PPFIA2: variants seen among roughly 807,000 people sequenced by gnomAD.
PPFIA2 encodes PPFI scaffold protein A2, also known as liprin-alpha-2.
Under a neutral mutation model 175.5 loss-of-function variants are expected in PPFIA2, and 46 were observed. The ratio of observed to expected loss-of-function variants is 0.26; its 90% confidence interval spans 0.21 to 0.34. The LOEUF is 0.34. Among genes scored for constraint, PPFIA2 ranks in the 10% least tolerant of loss-of-function variants. The pLI is 1.00. For missense variants in PPFIA2, 1,179 were observed against 1,506.1 expected (o/e 0.78, Z 3.60); for synonymous variants, 568 against 511.4 (o/e 1.11, Z -1.49).
chr12:81,421,507 C>G (rs1384048044), intron 7 of PPFIA2, among the ~76,000 whole-genome samples: 1 of 151,428 alleles, frequency 6.6e-6, no homozygotes, highest in Non-Finnish European at 1.5e-5. Flanking sequence ...AAGCTTTGAG[C>G]TAACCACAAA....
At chr12:81,743,411 CAAAAAAAAAAAAAAAAAAAAAAA>C (rs772497730) in intron 3 of PPFIA2, among the ~76,000 whole-genome samples, 1 of 24,852 alleles carries the variant, frequency 4.0e-5, no homozygotes, top group South Asian at 2.9e-3. Flanking sequence ...GACTCCGTCT[CAAAAAAAAAAAAAAAAAAAAAAA>C]AAAAAAAAAA....
chr12:81,471,794 C>A (rs1230087977), intron 4 of PPFIA2, among the ~76,000 whole-genome samples: 3 of 152,120 alleles, frequency 2.0e-5, no homozygotes, highest in Non-Finnish European at 4.4e-5. Flanking sequence ...TTCTCCACAA[C>A]CTTGCCAGCA....
At chr12:81,490,807 A>G (rs17008616) in intron 4 of PPFIA2, among the ~76,000 whole-genome samples, 16,240 of 151,904 alleles carry the variant, frequency 0.11, 1,088 homozygotes, top group Middle Eastern at 0.14. Context: ...ATTTGCTTAT[A>G]CTGGTCCCCA....
At chr12:81,315,931 A>G (rs11114823) in intron 22 of PPFIA2, among the ~76,000 whole-genome samples, 54,350 of 151,396 alleles carry the variant, frequency 0.36, 10,646 homozygotes, top group East Asian at 0.54. Flanking sequence ...AATAACTAAA[A>G]TATTTGAGAC....
intron 4 of PPFIA2, among the ~76,000 whole-genome samples, chr12:81,553,358 G>A (rs1299596327): frequency 6.6e-6 from 1 of 151,954 alleles, no homozygotes; most frequent in Non-Finnish European, 1.5e-5. Flanking sequence ...TTTCAAAGAT[G>A]GATACCAGAA....
chr12:81,398,644 A>T (rs117104976), intron 8 of PPFIA2, among the ~76,000 whole-genome samples: 2,693 of 152,180 alleles, frequency 0.018, 51 homozygotes, highest in Non-Finnish European at 0.025. Flanking sequence ...TACTTATCTC[A>T]TTCTTAAAGA....
chr12:81,636,644 A>T (rs987941178), intron 4 of PPFIA2, among the ~76,000 whole-genome samples: 13 of 151,076 alleles, frequency 8.6e-5, no homozygotes, highest in African/African-American at 3.2e-4. Flanking sequence ...TTAGAATGAA[A>T]TTTTGGTTTG....
chr12:81,590,916 G>A (rs1251497259), intron 4 of PPFIA2, among the ~76,000 whole-genome samples: 1 of 152,162 alleles, frequency 6.6e-6, no homozygotes, highest in Non-Finnish European at 1.5e-5. Flanking sequence ...GGGTATTGCT[G>A]AAAAGATAAT....
intron 4 of PPFIA2, among the ~76,000 whole-genome samples, chr12:81,588,310 A>G (rs1047515033): frequency 5.9e-5 from 9 of 152,014 alleles, no homozygotes; most frequent in Non-Finnish European, 1.3e-4. Flanking sequence ...AAGGAAAACA[A>G]CTTCCAAAAT....
chr12:81,380,961 G>GCT (rs1248902763), intron 9 of PPFIA2, among the ~76,000 whole-genome samples: 4 of 114,696 alleles, frequency 3.5e-5, no homozygotes, highest in Admixed American at 9.6e-5. Flanking sequence ...CTTTCACAGT[G>GCT]CTGTGTGTGT....
At chr12:81,368,623 A>G in intron 13 of PPFIA2, 102 bp downstream of exon 13, 4 of 1,206,842 alleles carry the variant, frequency 3.3e-6, no homozygotes, top group Non-Finnish European at 4.5e-6. Flanking sequence ...TTTAAAAACT[A>G]AGTAAATGGA....
At chr12:81,619,131 GTTAC>G (rs760624656) in intron 4 of PPFIA2, among the ~76,000 whole-genome samples, 16 of 152,090 alleles carry the variant, frequency 1.1e-4, no homozygotes, top group Non-Finnish European at 2.2e-4. Flanking sequence ...TGTCCTATAT[GTTAC>G]TTACTACATT....
At chr12:81,290,699 G>A (rs1594021272) in intron 24 of PPFIA2, among the ~76,000 whole-genome samples, 1 of 151,806 alleles carries the variant, frequency 6.6e-6, no homozygotes, top group South Asian at 2.1e-4. Flanking sequence ...AATTAAGCAA[G>A]GAGATAACCA....
chr12:81,334,216 T>A (rs558034724), intron 21 of PPFIA2, among the ~76,000 whole-genome samples: 1 of 152,350 alleles, frequency 6.6e-6, no homozygotes, highest in East Asian at 1.9e-4. Context: ...ATAGCCACTG[T>A]TCCTAGTTCT....
intron 4 of PPFIA2, among the ~76,000 whole-genome samples, chr12:81,528,967 G>A (rs1682574449): frequency 2.0e-5 from 3 of 152,118 alleles, no homozygotes; most frequent in East Asian, 1.9e-4. Context: ...TCAGTAAAAT[G>A]TATCATATTC....
At chr12:81,296,306 G>A (rs1219994163) in intron 23 of PPFIA2, among the ~76,000 whole-genome samples, 2 of 152,154 alleles carry the variant, frequency 1.3e-5, no homozygotes, top group African/African-American at 2.4e-5. Flanking sequence ...GCAACAAAGT[G>A]AAACTCTGTC....
In PPFIA2 at chr12:81,489,877, G is replaced by A. The variant is rs577608573; in HGVS notation, c.304-32011C>T. ...TATTTATATGCTACCTGTATTTCAA[G>A]ATCCATTCTGTGTTCTAACACTATA... On this transcript the variant is annotated intron_variant, in intron 4 of 32. Coordinates refer to ENST00000549396, the MANE Select transcript of PPFIA2 (RefSeq NM_003625.5). 1.6e-4 allele frequency among the ~76,000 whole-genome samples: 25 copies of A among 151,976 alleles called. 1 individual carries two copies. The South Asian group carries it at 5.2e-3, about 31-fold the overall frequency.
chr12:81,520,393 T>C (rs145102605), intron 4 of PPFIA2, among the ~76,000 whole-genome samples: 1 of 152,244 alleles, frequency 6.6e-6, no homozygotes, highest in East Asian at 1.9e-4. Context: ...TTTCTGGAAT[T>C]TTCCATTTAA....
chr12:81,259,472 G>C lies in PPFIA2; in HGVS notation c.*222C>G, dbSNP rs967001169. ...GATGTTTATTATTCAAATGACTTAA[G>C]CATTTTATTACAATTTGTAGTAAAC... is the stretch of plus-strand genomic sequence containing the variant. On this transcript the variant is annotated 3_prime_UTR_variant, in exon 33 of 33. Transcript: ENST00000549396. 1.5e-5 allele frequency: 10 copies of C among 680,480 alleles called. No individual in the cohort carries two copies. In the African/African-American group the frequency reaches 1.8e-4, roughly 12 times the overall value. 42.2% of individuals were successfully genotyped at this position (680,480 alleles called of 1,614,324 possible). A position where few individuals can be genotyped will look rare whatever the true frequency, so the allele number is the denominator to read the frequency against.
Sources: gnomAD v4.1 joint callset for allele counts (sites outside exome capture counted in the v4.1 genomes callset) on GRCh38, gnomAD v4.1.1 for gene constraint, MANE v1.5 for transcripts, NCBI Gene and HGNC (gene_info 2026-07-23, HGNC 2026-07-21) for gene names.